Variants in HEMK2 observed in about 807,000 individuals in gnomAD.
HEMK2 encodes the protein HemK methyltransferase 2, ETF1 glutamine and histone H4 lysine, also known as methyltransferase HEMK2.
the HEMK2 span, among the ~76,000 whole-genome samples, chr21:28,628,198 T>A: frequency 6.6e-6 from 1 of 152,328 alleles, no homozygotes; most frequent in African/African-American, 2.4e-5. Context: ...TATACACATA[T>A]GTATGTATAC....
At chr21:28,831,963 T>G in the HEMK2 span, among the ~76,000 whole-genome samples, 1 of 152,194 alleles carries the variant, frequency 6.6e-6, no homozygotes, top group African/African-American at 2.4e-5. Context: ...ATATCATATT[T>G]GTAGGAGGTG....
At chr21:28,615,042 T>C in the HEMK2 span, among the ~76,000 whole-genome samples, 1 of 152,110 alleles carries the variant, frequency 6.6e-6, no homozygotes, top group African/African-American at 2.4e-5. Context: ...AACTGCAAAG[T>C]AGGAATGTCC....
chr21:28,831,522 A>AGAAG, the HEMK2 span, among the ~76,000 whole-genome samples: 6 of 51,710 alleles, frequency 1.2e-4, no homozygotes, highest in Non-Finnish European at 1.7e-4. Context: ...AAAGAAAGAA[A>AGAAG]GAAGGAAAGA....
At chr21:28,876,334 A>G in the HEMK2 span, 1 of 1,286,444 alleles carries the variant, frequency 7.8e-7, no homozygotes. Flanking sequence ...TTCAGTTTCA[A>G]AATATGCTAA....
At chr21:28,821,350 A>G in the HEMK2 span, among the ~76,000 whole-genome samples, 1 of 152,166 alleles carries the variant, frequency 6.6e-6, no homozygotes, top group Non-Finnish European at 1.5e-5. Context: ...AACCTCTCTG[A>G]GCCTCTATTC....
the HEMK2 span, among the ~76,000 whole-genome samples, chr21:28,856,436 A>G: frequency 6.6e-6 from 1 of 152,144 alleles, no homozygotes; most frequent in East Asian, 1.9e-4. Flanking sequence ...AAAGAATAAT[A>G]ATAATTAAGG....
chr21:28,616,223 T>A, the HEMK2 span, among the ~76,000 whole-genome samples: 2 of 152,128 alleles, frequency 1.3e-5, no homozygotes, highest in Admixed American at 6.5e-5. Flanking sequence ...GCTAATAATA[T>A]AAGCAACAAG....
At chr21:28,800,924 T>A in the HEMK2 span, among the ~76,000 whole-genome samples, 3 of 152,212 alleles carry the variant, frequency 2.0e-5, no homozygotes, top group Non-Finnish European at 4.4e-5. Flanking sequence ...AGTAGCCTTT[T>A]TACTCATCTC....
At chr21:28,663,492 G>A in the HEMK2 span, among the ~76,000 whole-genome samples, 1 of 152,242 alleles carries the variant, frequency 6.6e-6, no homozygotes, top group Admixed American at 6.5e-5. Flanking sequence ...CATGGTTTGG[G>A]ACTTCTGCAG....
the HEMK2 span, among the ~76,000 whole-genome samples, chr21:28,838,962 AAAAAAAAAAAATAT>A: frequency 1.8e-5 from 1 of 56,158 alleles, no homozygotes; most frequent in African/African-American, 7.3e-5. Flanking sequence ...AAAAAAAAAA[AAAAAAAAAAAATAT>A]ATATATATAT....
At chr21:28,590,915 T>C in the HEMK2 span, among the ~76,000 whole-genome samples, 2 of 152,244 alleles carry the variant, frequency 1.3e-5, no homozygotes, top group South Asian at 4.1e-4. Flanking sequence ...TTGCATCCTC[T>C]CTGTTTTCAA....
At chr21:28,769,753 TA>T in the HEMK2 span, among the ~76,000 whole-genome samples, 1 of 152,146 alleles carries the variant, frequency 6.6e-6, no homozygotes, top group Non-Finnish European at 1.5e-5. Flanking sequence ...CTGCACATAC[TA>T]AAGTTATCTA....
the HEMK2 span, among the ~76,000 whole-genome samples, chr21:28,729,700 G>C: frequency 6.6e-6 from 1 of 151,776 alleles, no homozygotes; most frequent in African/African-American, 2.4e-5. Flanking sequence ...TTTGTTTTGT[G>C]TTGCATTAAA....
At chr21:28,812,175 A>G in the HEMK2 span, among the ~76,000 whole-genome samples, 1 of 152,224 alleles carries the variant, frequency 6.6e-6, no homozygotes, top group African/African-American at 2.4e-5. Context: ...AAGTATTTGA[A>G]TATCTGATGC....
the HEMK2 span, among the ~76,000 whole-genome samples, chr21:28,776,484 T>C: frequency 6.6e-6 from 1 of 152,156 alleles, no homozygotes; most frequent in Non-Finnish European, 1.5e-5. Flanking sequence ...CTGTGGACTG[T>C]GGTTGTATTA....
chr21:28,612,161 T>C, the HEMK2 span, among the ~76,000 whole-genome samples: 16 of 145,120 alleles, frequency 1.1e-4, no homozygotes, highest in African/African-American at 3.6e-4. Flanking sequence ...TGAACATAGA[T>C]GCAAAAATCC....
At chr21:28,844,689 T>C in the HEMK2 span, among the ~76,000 whole-genome samples, 1 of 152,066 alleles carries the variant, frequency 6.6e-6, no homozygotes, top group African/African-American at 2.4e-5. Flanking sequence ...ATGAGACTAA[T>C]CCCTTCCCTA....
the HEMK2 span, among the ~76,000 whole-genome samples, chr21:28,588,223 GT>G: frequency 6.6e-6 from 1 of 152,174 alleles, no homozygotes; most frequent in Non-Finnish European, 1.5e-5. Context: ...AAAAAAAAGT[GT>G]TGTAAGAAAG....
the HEMK2 span, among the ~76,000 whole-genome samples, chr21:28,755,214 T>C: frequency 6.6e-6 from 1 of 152,158 alleles, no homozygotes; most frequent in South Asian, 2.1e-4. Flanking sequence ...TACAGTGCGG[T>C]AGACTCTAAA....
Sources: allele counts gnomAD v4.1 joint callset (sites outside exome capture counted in the v4.1 genomes callset), GRCh38; gene constraint gnomAD v4.1.1; transcripts MANE v1.5; gene names NCBI Gene and HGNC (gene_info 2026-07-23, HGNC 2026-07-21).